The following SLC2A13 variants were observed in gnomAD, a reference collection of about 807,000 sequenced individuals.
SLC2A13 encodes proton myo-inositol cotransporter.
Under a neutral mutation model 64.4 loss-of-function variants are expected in SLC2A13, and 32 were observed. The observed-to-expected ratio is 0.50, with a 90% confidence interval of 0.37 to 0.67. SLC2A13 has a LOEUF of 0.67. SLC2A13 is among the 30% of genes least tolerant of loss of function. The probability of loss-of-function intolerance (pLI) is 0.00; values close to 1 mark genes in which losing one functional copy is unlikely to be tolerated. For synonymous variants in SLC2A13, 338 were observed against 327.1 expected (o/e 1.03, Z -0.36); for missense variants, 743 against 829.2 (o/e 0.90, Z 1.28).
At position 39,830,290 on chromosome 12, in the gene SLC2A13, G is replaced by A; in HGVS notation, c.1320-62C>T. The A allele has an allele frequency of 1.8e-5, 28 of 1,565,886 alleles. 1 individual carries two copies. The South Asian group carries it at 3.3e-4, about 18-fold the overall frequency. On this transcript the variant is annotated intron_variant, in intron 6 of 9. Coordinates refer to ENST00000280871, the MANE Select transcript of SLC2A13 (RefSeq NM_052885.4). ...GACAACTGGTGCTCACCATATACTG[G>A]ATTCCATGTGCTTCTCTGCATTTTC...
intron 3 of SLC2A13, among the ~76,000 whole-genome samples, chr12:39,958,057 C>T (rs2136109742): frequency 6.6e-6 from 1 of 152,310 alleles, no homozygotes; most frequent in South Asian, 2.1e-4. Flanking sequence ...TCATTTCTCA[C>T]CCCAAACTTG....
chr12:40,075,566 T>C (rs1236015513), intron 1 of SLC2A13, among the ~76,000 whole-genome samples: 2 of 152,188 alleles, frequency 1.3e-5, no homozygotes, highest in African/African-American at 4.8e-5. Flanking sequence ...TATAATATTA[T>C]CTGGGCATGG....
At chr12:39,800,485 AC>A (rs1941750257) in intron 7 of SLC2A13, among the ~76,000 whole-genome samples, 1 of 134,434 alleles carries the variant, frequency 7.4e-6, no homozygotes, top group Non-Finnish European at 1.6e-5. Flanking sequence ...GCCAAAAAAC[AC>A]ATGAAGAAAT....
chr12:39,863,836 G>A (rs764178742), intron 6 of SLC2A13, among the ~76,000 whole-genome samples: 1 of 152,136 alleles, frequency 6.6e-6, no homozygotes, highest in Non-Finnish European at 1.5e-5. Flanking sequence ...ATAAATTCAC[G>A]CTCAACTGGA....
intron 3 of SLC2A13, among the ~76,000 whole-genome samples, chr12:40,001,832 CA>C (rs1224423390): frequency 6.6e-6 from 1 of 152,198 alleles, no homozygotes; most frequent in Non-Finnish European, 1.5e-5. Context: ...TCTAAGTTAT[CA>C]ATCATCCCAA....
In SLC2A13 at chr12:39,764,477, T is replaced by G; in HGVS notation, c.1703A>C (p.Glu568Ala). 1 of 1,597,366 alleles carries G rather than the reference T, an allele frequency of 6.3e-7. No individual in the cohort carries two copies. The highest frequency in any genetic ancestry group is 1.8e-5 in the Admixed American group (1 of 55,256). The part of the protein sequence containing the change: ...LVSLTFLHTA[E>A]YLTYYGAFFL... ...TATCTTACCATAGTATGTAAGATAC[T>G]CTGCTGTGTGTAAAAATGTTAGTGA... Residue 568 changes from glutamate to alanine, a missense_variant, in exon 9 of 10, where the codon GAG becomes GCG. Glu to Ala is a moderately radical substitution (Grantham distance 107). This residue lies in a region of SLC2A13 where 295 missense variants were observed against 381.7 expected (regional missense o/e 0.77). Coordinates refer to ENST00000280871, the MANE Select transcript of SLC2A13 (RefSeq NM_052885.4).
At chr12:39,956,933 C>T (rs1352165854) in intron 3 of SLC2A13, among the ~76,000 whole-genome samples, 2 of 152,120 alleles carry the variant, frequency 1.3e-5, no homozygotes, top group Non-Finnish European at 2.9e-5. Context: ...ATAATCACTG[C>T]TCAGCTTCAA....
intron 6 of SLC2A13, among the ~76,000 whole-genome samples, chr12:39,852,278 G>A (rs1183801115): frequency 6.6e-6 from 1 of 152,158 alleles, no homozygotes; most frequent in African/African-American, 2.4e-5. Flanking sequence ...GAGAAATGCT[G>A]GTCAGATTTC....
At chr12:39,820,208 C>A (rs916585860) in intron 7 of SLC2A13, among the ~76,000 whole-genome samples, 5 of 152,068 alleles carry the variant, frequency 3.3e-5, no homozygotes, top group African/African-American at 1.2e-4. Context: ...ATCCTTGGAA[C>A]TATTTAAGAA....
chr12:39,794,526 C>G (rs2135771373), intron 7 of SLC2A13, among the ~76,000 whole-genome samples: 1 of 152,302 alleles, frequency 6.6e-6, no homozygotes, highest in African/African-American at 2.4e-5. Flanking sequence ...CAAGTCTCAG[C>G]CAATCGCAGT....
At chr12:39,886,633 A>G (rs1051314260) in intron 4 of SLC2A13, among the ~76,000 whole-genome samples, 2 of 152,096 alleles carry the variant, frequency 1.3e-5, no homozygotes, top group African/African-American at 4.8e-5. Flanking sequence ...AATTGACTAT[A>G]TTGTCTTAAC....
chr12:39,922,685 T>G (rs1945635083), intron 4 of SLC2A13, among the ~76,000 whole-genome samples: 1 of 152,228 alleles, frequency 6.6e-6, no homozygotes, highest in Admixed American at 6.5e-5. Context: ...GTTAGCTTTC[T>G]GTCTTGCAAA....
chr12:40,105,485 C>T lies in SLC2A13; in HGVS notation c.324G>A (p.Leu108=). 1 of 1,573,236 alleles carries T rather than the reference C, an allele frequency of 6.4e-7. No homozygotes were observed. Among genetic ancestry groups the T allele is most frequent in the African/African-American group, 1.4e-5 (1 of 73,368 alleles). Residue 108 remains leucine (L), a synonymous_variant, in exon 1 of 10, where the codon CTG becomes CTA. Transcript: ENST00000280871. The surrounding 1 kb of genome is among the most constrained non-coding windows in gnomAD (Gnocchi z 4.2). ...DTGVVSGAML[L]LKRQLSLDAL... is the part of the protein sequence containing the mutation. ...CGTCCAGACTGAGCTGCCGCTTGAG[C>T]AGCAGCATGGCCCCTGACACCACCC...
At chr12:39,820,317 G>A (rs940879443) in intron 7 of SLC2A13, among the ~76,000 whole-genome samples, 6 of 152,176 alleles carry the variant, frequency 3.9e-5, no homozygotes, top group African/African-American at 1.4e-4. Flanking sequence ...GAAATTATGA[G>A]CACAGAGTTT....
At chr12:39,969,778 T>G (rs919711423) in intron 3 of SLC2A13, among the ~76,000 whole-genome samples, 2 of 152,264 alleles carry the variant, frequency 1.3e-5, no homozygotes, top group African/African-American at 4.8e-5. Flanking sequence ...TAGTTTCTTT[T>G]GCTGTGCAGA....
chr12:39,902,020 G>A (rs1035988318), intron 4 of SLC2A13, among the ~76,000 whole-genome samples: 1 of 151,926 alleles, frequency 6.6e-6, no homozygotes. Flanking sequence ...CCAGAAAAAA[G>A]GATGAGTTCA....
Position 40,105,512 on chromosome 12 carries a change from G to T in SLC2A13, c.297C>A (p.Thr99=). The T allele has an allele frequency of 6.3e-7, 1 of 1,581,610 alleles. No homozygotes were observed. The highest frequency in any genetic ancestry group is 2.4e-5 in the East Asian group (1 of 42,416). The change falls in exon 1 of 10, where the codon ACC becomes ACA. Residue 99 remains threonine (T), a synonymous_variant. Transcript: ENST00000280871. The surrounding 1 kb of genome is among the most constrained non-coding windows in gnomAD (Gnocchi z 4.2). ...ALGGFLFGYD[T]GVVSGAMLLL... ...GCAGCATGGCCCCTGACACCACCCC[G>T]GTGTCATAGCCAAACAGGAAGCCGC...
At chr12:39,912,811 T>C (rs1945452857) in intron 4 of SLC2A13, among the ~76,000 whole-genome samples, 1 of 152,062 alleles carries the variant, frequency 6.6e-6, no homozygotes, top group Non-Finnish European at 1.5e-5. Flanking sequence ...GTGTAAACGT[T>C]AGTAGGCAAA....
intron 4 of SLC2A13, among the ~76,000 whole-genome samples, chr12:39,919,420 T>C (rs1945576974): frequency 6.6e-6 from 1 of 152,088 alleles, no homozygotes; most frequent in Non-Finnish European, 1.5e-5. Flanking sequence ...CACAGAGGTA[T>C]GTTGTAAAAT....
Sources: gnomAD v4.1 joint callset for allele counts (sites outside exome capture counted in the v4.1 genomes callset) on GRCh38, gnomAD v4.1.1 for gene constraint, gnomAD v4.1.1 regional missense constraint, Gnocchi (gnomAD v3.1) non-coding constraint, MANE v1.5 for transcripts, NCBI Gene and HGNC (gene_info 2026-07-23, HGNC 2026-07-21) for gene names.